STMN2: variants seen among roughly 807,000 people sequenced by gnomAD.
The protein encoded by STMN2 is stathmin-2.
A neutral mutation model predicts 24.1 loss-of-function variants in STMN2; 2 were observed. That is an observed-to-expected ratio of 0.08 (90% CI 0.03 to 0.26). STMN2 has a LOEUF of 0.26. Among genes scored for constraint, STMN2 ranks in the 10% least tolerant of loss-of-function variants. The pLI, the probability that STMN2 is intolerant of heterozygous loss-of-function variation, is 1.00. For missense variants in STMN2, 114 were observed against 213.6 expected, an observed-to-expected ratio of 0.53 and a Z score of 2.91; for synonymous variants, 83 against 77.5, an observed-to-expected ratio of 1.07 and a Z score of -0.37.
intron 4 of STMN2, among the ~76,000 whole-genome samples, chr8:79,661,519 G>C (rs1806500819): frequency 6.6e-6 from 1 of 152,072 alleles, no homozygotes; most frequent in African/African-American, 2.4e-5. Flanking sequence ...GAACATGTCT[G>C]ATGAACACTT....
At chr8:79,655,810 G>T (rs1336764531) in intron 4 of STMN2, among the ~76,000 whole-genome samples, 2 of 152,146 alleles carry the variant, frequency 1.3e-5, no homozygotes, top group Non-Finnish European at 2.9e-5. Context: ...GTTTAGCTGT[G>T]TCCGTTTCCA....
intron 4 of STMN2, among the ~76,000 whole-genome samples, chr8:79,662,195 A>G (rs1806516754): frequency 6.6e-6 from 1 of 152,162 alleles, no homozygotes; most frequent in African/African-American, 2.4e-5. Context: ...TAAAAGGCAT[A>G]GCTGCATACA....
intron 1 of STMN2, among the ~76,000 whole-genome samples, chr8:79,623,605 A>G (rs1352062770): frequency 1.3e-5 from 2 of 152,236 alleles, no homozygotes; most frequent in Non-Finnish European, 1.5e-5. Context: ...TGCATATAAA[A>G]ATGCTCAATA....
At chr8:79,613,891 C>G (rs1371476570) in intron 1 of STMN2, 5 of 927,718 alleles carry the variant, frequency 5.4e-6, no homozygotes, top group African/African-American at 1.8e-5. Context: ...TGTGTGCCAA[C>G]GATTGCTGGA....
intron 2 of STMN2, among the ~76,000 whole-genome samples, chr8:79,640,233 A>T (rs760072356): frequency 2.6e-5 from 4 of 152,142 alleles, no homozygotes; most frequent in Admixed American, 6.6e-5. Context: ...CTTCCTGTTT[A>T]ACTGAAATTA....
chr8:79,620,940 C>T, intron 1 of STMN2: 2 of 985,208 alleles, frequency 2.0e-6, no homozygotes, highest in Non-Finnish European at 2.4e-6. Flanking sequence ...CAGAACCACA[C>T]TTGGAGTAGA....
At chr8:79,633,507 T>A (rs1412365599) in intron 1 of STMN2, among the ~76,000 whole-genome samples, 1 of 152,152 alleles carries the variant, frequency 6.6e-6, no homozygotes, top group Admixed American at 6.5e-5. Context: ...CAACAGAAAT[T>A]TATTTTTCAC....
At chr8:79,611,986 G>A (rs1809240553) in intron 1 of STMN2, among the ~76,000 whole-genome samples, 1 of 152,038 alleles carries the variant, frequency 6.6e-6, no homozygotes. Context: ...CTTTGTGTGC[G>A]GACCAGCGGT....
intron 4 of STMN2, among the ~76,000 whole-genome samples, chr8:79,664,136 A>G (rs1236912444): frequency 6.6e-6 from 1 of 152,232 alleles, no homozygotes; most frequent in Non-Finnish European, 1.5e-5. Flanking sequence ...GGAAAGTGAG[A>G]TAAGTTTGCA....
In STMN2 at chr8:79,649,525, A is replaced by G. The variant is rs188994057; in HGVS notation, c.289-5346A>G. Among the ~76,000 whole-genome samples the G allele has an allele frequency of 4.3e-3, 651 of 152,266 alleles. 6 individuals are homozygous for G. The highest frequency in any genetic ancestry group is 0.037 in the Middle Eastern group (11 of 294). ...AACAGGACATTATTTGTGACTTTAG[A>G]TGGGTCAATAATGATTTTCATTGTC... On this transcript the variant is annotated intron_variant, in intron 3 of 4. Transcript: ENST00000220876.
At chr8:79,664,728 C>G (rs1341871532) in intron 4 of STMN2, 87 bp from the exon 5 acceptor site, 2 of 1,288,460 alleles carry the variant, frequency 1.6e-6, no homozygotes, top group Non-Finnish European at 2.1e-6. Flanking sequence ...AGACACCAAA[C>G]TGGGTTACTT....
At chr8:79,627,889 A>T (rs1809695749) in intron 1 of STMN2, among the ~76,000 whole-genome samples, 1 of 152,174 alleles carries the variant, frequency 6.6e-6, no homozygotes, top group African/African-American at 2.4e-5. Flanking sequence ...ATTTCACTTG[A>T]CATAATGTCC....
Position 79,664,924 on chromosome 8 carries a change from TATTATAATGGATC to T in STMN2, c.*53_*65del. The T allele has an allele frequency of 6.4e-7, 1 of 1,565,364 alleles. No individual in the cohort carries two copies. Among genetic ancestry groups the T allele is most frequent in the Non-Finnish European group, 8.7e-7 (1 of 1,143,086 alleles). ...CACCAATAGTAAATCCCCCTGCCTATATTATAATGGATCATGCGATATCAGGATGGGGAATGTA... is the reference window on the plus strand; with the variant it reads ...CACCAATAGTAAATCCCCCTGCCTATATGCGATATCAGGATGGGGAATGTA... On this transcript the variant is annotated 3_prime_UTR_variant, in exon 5 of 5. Transcript: ENST00000220876.
intron 1 of STMN2, among the ~76,000 whole-genome samples, chr8:79,631,640 T>C (rs886917767): frequency 6.6e-6 from 1 of 152,176 alleles, no homozygotes; most frequent in Admixed American, 6.5e-5. Flanking sequence ...TGAACCGATA[T>C]AGTATGTAAG....
Position 79,664,937 on chromosome 8 carries a change from C to T in STMN2, c.*63C>T. ...TCCCCCTGCCTATATTATAATGGATCATGCGATATCAGGATGGGGAATGTA... is the reference window on the plus strand; with the variant it reads ...TCCCCCTGCCTATATTATAATGGATTATGCGATATCAGGATGGGGAATGTA... On this transcript the variant is annotated 3_prime_UTR_variant, in exon 5 of 5. Transcript: ENST00000220876. 3.5e-6 allele frequency: 5 copies of T among 1,423,122 alleles called. No individual in the cohort carries two copies. The South Asian group carries it at 3.9e-5, about 11-fold the overall frequency. The allele number at this position is 1,423,122 out of a possible 1,614,324, so 88.2% of individuals were successfully genotyped here.
chr8:79,660,775 A>T (rs759766772), intron 4 of STMN2, among the ~76,000 whole-genome samples: 4 of 152,000 alleles, frequency 2.6e-5, no homozygotes, highest in Non-Finnish European at 5.9e-5. Flanking sequence ...ACTGTACCCA[A>T]TATGTAGTCT....
chr8:79,658,819 A>G (rs1806436801), intron 4 of STMN2, among the ~76,000 whole-genome samples: 1 of 152,248 alleles, frequency 6.6e-6, no homozygotes, highest in Non-Finnish European at 1.5e-5. Context: ...AGCCCCAGCC[A>G]TGTTAGCTCA....
chr8:79,612,798 C>T (rs959903303), intron 1 of STMN2, among the ~76,000 whole-genome samples: 1 of 151,970 alleles, frequency 6.6e-6, no homozygotes, highest in Non-Finnish European at 1.5e-5. Flanking sequence ...CCCGCGGAGC[C>T]GGGGAGACCT....
At chr8:79,623,125 G>A (rs974959133) in intron 1 of STMN2, among the ~76,000 whole-genome samples, 1 of 152,090 alleles carries the variant, frequency 6.6e-6, no homozygotes, top group African/African-American at 2.4e-5. Context: ...GGATAAGCAC[G>A]ACAAAGACAC....
Sources: allele counts gnomAD v4.1 joint callset (sites outside exome capture counted in the v4.1 genomes callset), GRCh38; gene constraint gnomAD v4.1.1; transcripts MANE v1.5; gene names NCBI Gene and HGNC (gene_info 2026-07-23, HGNC 2026-07-21).